The following LRRC63 variants were observed in gnomAD, a reference collection of about 807,000 sequenced individuals.
LRRC63 encodes the protein leucine rich repeat containing 63, also known as leucine-rich repeat-containing protein 63.
In LRRC63, 40 loss-of-function variants were observed where a neutral mutation model predicts 49.5. The observed-to-expected ratio is 0.81, with a 90% CI of 0.63 to 1.05. The LOEUF is 1.05. Ranked by LOEUF, LRRC63 falls within the 50% of genes least tolerant of loss-of-function variation. LRRC63 has a pLI of 0.00. For synonymous variants in LRRC63, 191 were observed against 221.1 expected, an observed-to-expected ratio of 0.86 and a Z score of 1.21; for missense variants, 636 against 663.1, an observed-to-expected ratio of 0.96 and a Z score of 0.45.
At chr13:46,217,364 T>C (rs2046281613) in intron 2 of LRRC63, among the ~76,000 whole-genome samples, 1 of 152,236 alleles carries the variant, frequency 6.6e-6, no homozygotes, top group African/African-American at 2.4e-5. Flanking sequence ...CAGAAATTTA[T>C]CCATTTCTTC....
At chr13:46,251,263 T>TA (rs1239367164) in intron 7 of LRRC63, among the ~76,000 whole-genome samples, 2 of 151,854 alleles carry the variant, frequency 1.3e-5, no homozygotes, top group Non-Finnish European at 2.9e-5. Context: ...ATTAATGATC[T>TA]AAAAAATTGT....
At chr13:46,261,937 C>A in exon 8 of LRRC63, 1 of 1,153,534 alleles carries the variant, frequency 8.7e-7, no homozygotes, top group Non-Finnish European at 1.1e-6. Flanking sequence ...TCTTGAAGAA[C>A]TTGATGTTTC....
At chr13:46,246,666 G>A (rs569381519) in intron 6 of LRRC63, 41 bp downstream of exon 6, 22 of 863,056 alleles carry the variant, frequency 2.5e-5, no homozygotes, top group African/African-American at 1.6e-4. Context: ...ATAACTTGTC[G>A]TGAATAATAA....
At chr13:46,272,067 C>T (rs759438316) in intron 9 of LRRC63, among the ~76,000 whole-genome samples, 1 of 152,170 alleles carries the variant, frequency 6.6e-6, no homozygotes, top group Non-Finnish European at 1.5e-5. Flanking sequence ...ACAAGTACTG[C>T]AATACCACAA....
At chr13:46,252,939 A>AC (rs2047422388) in intron 7 of LRRC63, among the ~76,000 whole-genome samples, 1 of 152,000 alleles carries the variant, frequency 6.6e-6, no homozygotes, top group South Asian at 2.1e-4. Flanking sequence ...GCAACAAGAA[A>AC]CCATTACAGG....
chr13:46,249,178 T>C (rs1365266803), intron 6 of LRRC63, among the ~76,000 whole-genome samples: 1 of 151,792 alleles, frequency 6.6e-6, no homozygotes, highest in Non-Finnish European at 1.5e-5. Flanking sequence ...ATGTAAATCT[T>C]TTAAAAAAGA....
At chr13:46,241,871 G>A (rs1463778666) in intron 5 of LRRC63, among the ~76,000 whole-genome samples, 1 of 151,986 alleles carries the variant, frequency 6.6e-6, no homozygotes, top group East Asian at 1.9e-4. Context: ...ACTCTTGGTG[G>A]GAGTGTAAAT....
At chr13:46,228,390 G>A (rs2046641835) in intron 3 of LRRC63, among the ~76,000 whole-genome samples, 1 of 152,168 alleles carries the variant, frequency 6.6e-6, no homozygotes, top group African/African-American at 2.4e-5. Flanking sequence ...GCCAGACTGG[G>A]TACTCCATTC....
At chr13:46,230,193 C>T (rs1187439175) in intron 4 of LRRC63, among the ~76,000 whole-genome samples, 2 of 152,150 alleles carry the variant, frequency 1.3e-5, no homozygotes, top group African/African-American at 4.8e-5. Context: ...GTTCTTCTCG[C>T]ATTGCAAAAT....
chr13:46,266,791 T>C (rs1366830488), exon 9 of LRRC63: 22 of 1,550,138 alleles, frequency 1.4e-5, no homozygotes, highest in South Asian at 3.6e-5. Flanking sequence ...CCATGGAATT[T>C]TGAAGCTTAA....
At chr13:46,275,264 T>C (rs902046541) in intron 9 of LRRC63, among the ~76,000 whole-genome samples, 1 of 152,230 alleles carries the variant, frequency 6.6e-6, no homozygotes, top group Non-Finnish European at 1.5e-5. Flanking sequence ...CGATTGTGAA[T>C]AGAGCTGCAA....
intron 8 of LRRC63, among the ~76,000 whole-genome samples, chr13:46,262,509 A>C (rs1426455163): frequency 6.6e-6 from 1 of 152,124 alleles, no homozygotes; most frequent in African/African-American, 2.4e-5. Flanking sequence ...ATAATCTTTC[A>C]GATCATTTTG....
chr13:46,269,256 A>G (rs1289450699), intron 9 of LRRC63, among the ~76,000 whole-genome samples: 2 of 151,990 alleles, frequency 1.3e-5, no homozygotes, highest in African/African-American at 2.4e-5. Context: ...ACCAGACATC[A>G]AGACTTACTA....
At chr13:46,276,753 A>G (rs1356475316) in exon 10 of LRRC63, 48 of 1,224,998 alleles carry the variant, frequency 3.9e-5, no homozygotes, top group Non-Finnish European at 4.6e-5. Context: ...TTTAGATGGT[A>G]GTCCTAGTAG....
chr13:46,276,869 TA>T (rs34122590), exon 10 of LRRC63: 1 of 144,230 alleles, frequency 6.9e-6, no homozygotes, highest in Non-Finnish European at 1.3e-5. Context: ...TATATATATT[TA>T]TATATATATA....
In LRRC63 at chr13:46,267,110, CA is replaced by C. The variant is rs975254963; in HGVS notation, c.1550+141del. Reference sequence around the variant, plus strand: ...ACACAAAACCATACACACAATTCTTCAAATCGCTCCATCCAGTTCTTCAGGT... The same window carrying C: ...ACACAAAACCATACACACAATTCTTCAATCGCTCCATCCAGTTCTTCAGGT... On this transcript the variant is annotated intron_variant, in intron 9 of 9. Transcript: ENST00000595396. 6.3e-6 allele frequency: 5 copies of C among 796,502 alleles called. No individual in the cohort carries two copies. In the African/African-American group the frequency reaches 8.7e-5, roughly 14 times the overall value. The allele number at this position is 796,502 out of a possible 1,614,324, so 49.3% of individuals were successfully genotyped here. A position where few individuals can be genotyped will look rare whatever the true frequency, so the allele number is the denominator to read the frequency against.
chr13:46,231,444 A>G (rs557992729), intron 4 of LRRC63, among the ~76,000 whole-genome samples: 57 of 152,310 alleles, frequency 3.7e-4, no homozygotes, highest in African/African-American at 1.3e-3. Flanking sequence ...AAACAAGAGC[A>G]GGTATATCAC....
chr13:46,263,915 C>G (rs550104322), intron 8 of LRRC63, among the ~76,000 whole-genome samples: 3 of 152,256 alleles, frequency 2.0e-5, no homozygotes, highest in East Asian at 3.9e-4. Context: ...GATTCATTGG[C>G]TGTTTAGCGT....
At chr13:46,227,716 G>A (rs910245650) in exon 3 of LRRC63, 23 of 1,550,144 alleles carry the variant, frequency 1.5e-5, no homozygotes, top group Admixed American at 5.9e-5. Flanking sequence ...AAGCATGTCC[G>A]TGAGCAGATT....
Sources: gnomAD v4.1 joint callset for allele counts (sites outside exome capture counted in the v4.1 genomes callset) on GRCh38, gnomAD v4.1.1 for gene constraint, MANE v1.5 for transcripts, NCBI Gene and HGNC (gene_info 2026-07-23, HGNC 2026-07-21) for gene names.